LARP1B: variants seen among roughly 807,000 people sequenced by gnomAD.
LARP1B encodes La ribonucleoprotein 1B.
A neutral mutation model predicts 114.2 loss-of-function variants in LARP1B; 76 were observed. The observed-to-expected ratio is 0.67, with a 90% CI of 0.55 to 0.81. The LOEUF is 0.81. Ranked by LOEUF, LARP1B falls within the 30% of genes least tolerant of loss-of-function variation. LARP1B has a pLI of 0.00. For synonymous variants in LARP1B, 345 were observed against 348.0 expected (o/e 0.99, Z 0.10); for missense variants, 1,014 against 1,075.8 (o/e 0.94, Z 0.80).
chr4:128,107,795 C>A, intron 9 of LARP1B: 3 of 1,528,662 alleles, frequency 2.0e-6, no homozygotes, highest in Non-Finnish European at 1.7e-6. Context: ...TTTAGAATTT[C>A]CAAAAGATTT....
In LARP1B at chr4:128,210,447, T is replaced by C. The variant is rs1758779137; in HGVS notation, c.*394T>C. 1.4e-5 allele frequency: 14 copies of C among 1,017,362 alleles called. No individual in the cohort carries two copies. Among genetic ancestry groups the C allele is most frequent in the Middle Eastern group, 5.0e-4 (1 of 2,018 alleles). 63.0% of individuals were successfully genotyped at this position (1,017,362 alleles called of 1,614,324 possible). On this transcript the variant is annotated 3_prime_UTR_variant, in exon 20 of 20. Coordinates refer to ENST00000326639, the MANE Select transcript of LARP1B (RefSeq NM_018078.4). ...CTCATACTTCTTAAAGAAGATATAG[T>C]ATGTTGTATTCTCTTCTTAGAGCTT...
At chr4:128,162,634 G>A (rs1249534416) in intron 12 of LARP1B, among the ~76,000 whole-genome samples, 1 of 152,012 alleles carries the variant, frequency 6.6e-6, no homozygotes, top group Non-Finnish European at 1.5e-5. Context: ...CTTAGAATGC[G>A]CTAGAGTCAT....
chr4:128,199,992 A>C (rs1214237849), intron 16 of LARP1B, among the ~76,000 whole-genome samples: 1 of 152,194 alleles, frequency 6.6e-6, no homozygotes, highest in East Asian at 1.9e-4. Flanking sequence ...AGATTGAGGC[A>C]GGAGAATTGC....
intron 1 of LARP1B, among the ~76,000 whole-genome samples, chr4:128,070,044 C>T (rs1009266856): frequency 7.9e-5 from 12 of 152,122 alleles, no homozygotes; most frequent in African/African-American, 2.2e-4. Flanking sequence ...TGAGGCCGAG[C>T]GCAGTGGCTC....
At chr4:128,085,161 C>A (rs1421454827) in intron 5 of LARP1B, among the ~76,000 whole-genome samples, 2 of 152,094 alleles carry the variant, frequency 1.3e-5, no homozygotes, top group Admixed American at 6.6e-5. Flanking sequence ...CTGCGACTGG[C>A]CACAATGATT....
intron 11 of LARP1B, among the ~76,000 whole-genome samples, chr4:128,129,226 G>A (rs1373544333): frequency 2.0e-4 from 28 of 143,312 alleles, no homozygotes; most frequent in African/African-American, 6.0e-4. Context: ...GTGGTGGCGC[G>A]TGCCTGTAGT....
intron 18 of LARP1B, 36 bp downstream of exon 18, chr4:128,206,573 G>A: frequency 6.3e-7 from 1 of 1,577,082 alleles, no homozygotes; most frequent in Non-Finnish European, 8.6e-7. Context: ...ACTCTAATTG[G>A]AAATTGTAAA....
chr4:128,074,790 C>A, intron 2 of LARP1B, 144 bp from the exon 3 acceptor site: 1 of 579,036 alleles, frequency 1.7e-6, no homozygotes, highest in Non-Finnish European at 3.0e-6. Flanking sequence ...TTTGCAGAAA[C>A]TTTTTGATTA....
intron 11 of LARP1B, among the ~76,000 whole-genome samples, chr4:128,135,727 T>C (rs578205248): frequency 5.9e-5 from 9 of 152,244 alleles, no homozygotes; most frequent in Middle Eastern, 6.8e-3. Flanking sequence ...TGGTGAAGTT[T>C]ATAGAAACAA....
intron 9 of LARP1B, chr4:128,107,846 C>T: frequency 6.8e-7 from 1 of 1,477,946 alleles, no homozygotes; most frequent in Non-Finnish European, 8.9e-7. Context: ...TAAGACATTC[C>T]CTCTTGGGAA....
At chr4:128,183,316 G>A (rs1217019331) in intron 15 of LARP1B, among the ~76,000 whole-genome samples, 1 of 152,224 alleles carries the variant, frequency 6.6e-6, no homozygotes, top group Non-Finnish European at 1.5e-5. Context: ...TGACTCTCTT[G>A]TTAGGGGCTA....
At chr4:128,156,555 C>A (rs559729452) in intron 11 of LARP1B, among the ~76,000 whole-genome samples, 117 of 152,254 alleles carry the variant, frequency 7.7e-4, no homozygotes, top group Admixed American at 2.7e-3. Flanking sequence ...CTCCATCACC[C>A]TCTTCCTGTG....
intron 17 of LARP1B, among the ~76,000 whole-genome samples, chr4:128,204,126 T>C (rs1328800405): frequency 6.6e-6 from 1 of 152,148 alleles, no homozygotes; most frequent in African/African-American, 2.4e-5. Flanking sequence ...AAATGTTGTA[T>C]TGTCATCCTT....
intron 11 of LARP1B, among the ~76,000 whole-genome samples, chr4:128,151,653 A>G (rs1732839844): frequency 6.6e-6 from 1 of 151,770 alleles, no homozygotes; most frequent in South Asian, 2.1e-4. Flanking sequence ...CCCAGGCTGG[A>G]GTGCAATGGC....
chr4:128,131,790 G>A (rs572893727), intron 11 of LARP1B, among the ~76,000 whole-genome samples: 84 of 152,286 alleles, frequency 5.5e-4, no homozygotes, highest in South Asian at 8.3e-4. Context: ...TATACATGGG[G>A]CCAATAAGCA....
At chr4:128,076,154 C>T (rs1024944137) in intron 3 of LARP1B, among the ~76,000 whole-genome samples, 3 of 152,116 alleles carry the variant, frequency 2.0e-5, no homozygotes, top group East Asian at 1.9e-4. Context: ...GCTGGTATTA[C>T]AGGCACGCAC....
Position 128,061,863 on chromosome 4 carries a change from C to G in LARP1B, c.-78+462C>G, listed in dbSNP as rs911501999. 8.1e-6 allele frequency: 8 copies of G among 985,220 alleles called. No individual in the cohort carries two copies. The South Asian group carries it at 3.3e-4, about 40-fold the overall frequency. 61.0% of individuals were successfully genotyped at this position (985,220 alleles called of 1,614,324 possible). A position where few individuals can be genotyped will look rare whatever the true frequency, so the allele number is the denominator to read the frequency against. The stretch of plus-strand genomic sequence containing the variant: ...AGGGAGGAGAGGGCCGCGGCCGCCA[C>G]TAGCGCTGGGGCGCGGGGAGAGCCG... On this transcript the variant is annotated intron_variant, in intron 1 of 19. Coordinates refer to ENST00000326639, the MANE Select transcript of LARP1B (RefSeq NM_018078.4).
intron 5 of LARP1B, among the ~76,000 whole-genome samples, chr4:128,083,701 G>T: frequency 6.8e-6 from 1 of 147,314 alleles, no homozygotes; most frequent in Non-Finnish European, 1.5e-5. Context: ...TCCCGGACAG[G>T]GTGGCTGGCC....
intron 15 of LARP1B, among the ~76,000 whole-genome samples, chr4:128,190,606 T>C (rs1751935449): frequency 6.6e-6 from 1 of 152,156 alleles, no homozygotes; most frequent in African/African-American, 2.4e-5. Context: ...GATGGTTTTA[T>C]AAGTGTTTGA....
Sources: gnomAD v4.1 joint callset for allele counts (sites outside exome capture counted in the v4.1 genomes callset) on GRCh38, gnomAD v4.1.1 for gene constraint, MANE v1.5 for transcripts, NCBI Gene and HGNC (gene_info 2026-07-23, HGNC 2026-07-21) for gene names.